The following CCDC22 variants were observed in gnomAD, a reference collection of about 807,000 sequenced individuals.
The protein encoded by CCDC22 is CCC complex scaffolding subunit CCDC22, also known as coiled-coil domain-containing protein 22.
Under a neutral mutation model 53.1 loss-of-function variants are expected in CCDC22, and 4 were observed. The ratio of observed to expected loss-of-function variants is 0.08; its 90% CI spans 0.04 to 0.17. CCDC22 has a LOEUF of 0.17. CCDC22 is among the 10% of genes least tolerant of loss of function. The pLI is 1.00. For missense variants in CCDC22, 458 were observed against 554.0 expected (o/e 0.83, Z 1.74); for synonymous variants, 222 against 224.4 (o/e 0.99, Z 0.10).
intron 1 of CCDC22, 140 bp downstream of exon 1, chrX:49,235,826 T>TACACACACACACACACACAC (rs797042658): frequency 8.2e-5 from 20 of 243,316 alleles, no homozygotes; most frequent in African/African-American, 7.1e-4. Flanking sequence ...CTCACCCCCT[T>TACACACACACACACACACAC]ACACACACAC....
intron 3 of CCDC22, 97 bp downstream of exon 3, chrX:49,242,245 G>C (rs1471279869): frequency 2.9e-5 from 33 of 1,149,699 alleles, no homozygotes; most frequent in Middle Eastern, 2.8e-4. Context: ...TAAAAAGGTT[G>C]ATGGGTAGGG....
chrX:49,249,693 A>G lies in CCDC22; in HGVS notation c.1738A>G (p.Ile580Val), dbSNP rs372319187. 1.1e-4 allele frequency: 136 copies of G among 1,208,724 alleles called. No individual in the cohort carries two copies. The highest frequency in any genetic ancestry group is 8.1e-4 in the Admixed American group (37 of 45,882). The change falls in exon 16 of 17, where the codon ATC becomes GTC. Residue 580 changes from isoleucine to valine, a missense_variant. By Grantham distance (29) the Ile-to-Val change is conservative. Coordinates refer to ENST00000376227, the MANE Select transcript of CCDC22 (RefSeq NM_014008.5). ...CCAGACCATCGAGGACACAGGCACCATCATGCGGGAGGTTCGAGACCTCGA... is the reference window on the plus strand; with the variant it reads ...CCAGACCATCGAGGACACAGGCACCGTCATGCGGGAGGTTCGAGACCTCGA... ...LIQTIEDTGT[I>V]MREVRDLEEQ... is the part of the protein sequence containing the mutation.
At position 49,235,622 on chromosome X, in the gene CCDC22, C is replaced by T. The variant is rs1557112518; in HGVS notation, c.-15C>T. ...CGGTCCTGGACCCAGCCCCCGACTC[C>T]GACACGGCTCCACCATGGAGGAGGC... On this transcript the variant is annotated 5_prime_UTR_variant, in exon 1 of 17. Transcript: ENST00000376227. The T allele has an allele frequency of 8.5e-7, 1 of 1,174,176 alleles. No homozygotes were observed. The highest frequency in any genetic ancestry group is 3.2e-5 in the East Asian group (1 of 31,359).
Position 49,250,493 on chromosome X carries a change from T to A in CCDC22, c.*232T>A, listed in dbSNP as rs1467152040. 1 of 485,225 alleles carries A rather than the reference T, an allele frequency of 2.1e-6. No homozygotes were observed. The highest frequency in any genetic ancestry group is 2.7e-5 in the Admixed American group (1 of 36,849). The allele number at this position is 485,225 out of a possible 1,213,427, so 40.0% of individuals were successfully genotyped here. A position where few individuals can be genotyped will look rare whatever the true frequency, so the allele number is the denominator to read the frequency against. ...GGTACTGTGGGTTGGGGGCCTTGGATCCCAAATAAATGAGTAGTTCCTCTG... is the reference window on the plus strand; with the variant it reads ...GGTACTGTGGGTTGGGGGCCTTGGAACCCAAATAAATGAGTAGTTCCTCTG... On this transcript the variant is annotated 3_prime_UTR_variant, in exon 17 of 17. Coordinates refer to ENST00000376227, the MANE Select transcript of CCDC22 (RefSeq NM_014008.5).
At chrX:49,244,612 C>T (rs935695522) in intron 6 of CCDC22, among the ~76,000 whole-genome samples, 14 of 110,187 alleles carry the variant, frequency 1.3e-4, no homozygotes, top group African/African-American at 4.6e-4. Context: ...CCAGGCTGGA[C>T]TACAATGGCA....
intron 2 of CCDC22, 31 bp downstream of exon 2, chrX:49,237,294 C>T (rs1557112877): frequency 8.8e-7 from 1 of 1,136,967 alleles, no homozygotes; most frequent in Non-Finnish European, 1.2e-6. Flanking sequence ...TGCACACATC[C>T]TCTTTCTTCC....
rs782330659 is a variant in CCDC22 at position 49,249,150 on chromosome X, G to A, written c.1540-17G>A. 3.3e-5 allele frequency: 40 copies of A among 1,195,894 alleles called. No individual in the cohort carries two copies. The highest frequency in any genetic ancestry group is 4.6e-4 in the Middle Eastern group (2 of 4,333). On this transcript the variant is annotated splice_polypyrimidine_tract_variant and intron_variant, in intron 13 of 16. Transcript: ENST00000376227. Reference sequence around the variant, plus strand: ...CTGCCCCAGGCAGGGGCTCATGGCTGCCATGGTGTCTGCCAGATCTTGTCT... The same window carrying A: ...CTGCCCCAGGCAGGGGCTCATGGCTACCATGGTGTCTGCCAGATCTTGTCT...
chrX:49,250,286 C>T lies in CCDC22; in HGVS notation c.*25C>T, dbSNP rs199701533. 1.7e-3 allele frequency: 1,515 copies of T among 887,274 alleles called. 2 individuals are homozygous for T. The highest frequency in any genetic ancestry group is 1.3e-3 in the Non-Finnish European group (798 of 618,953). 73.1% of individuals were successfully genotyped at this position (887,274 alleles called of 1,213,427 possible). ...AGGAGCCGCCGGCAGAGGTCTCTCC[C>T]CAGCCTCAGGCAGGGATTTGGGGTG... On this transcript the variant is annotated 3_prime_UTR_variant, in exon 17 of 17. Coordinates refer to ENST00000376227, the MANE Select transcript of CCDC22 (RefSeq NM_014008.5).
chrX:49,250,099 G>A (rs2066018175), intron 16 of CCDC22, 49 bp from the exon 17 acceptor site: 3 of 791,615 alleles, frequency 3.8e-6, no homozygotes, highest in Non-Finnish European at 5.6e-6. Flanking sequence ...AGCAGGAGCT[G>A]GGAAAGGGGC....
chrX:49,235,620 T>G lies in CCDC22; in HGVS notation c.-17T>G. 1.7e-6 allele frequency: 2 copies of G among 1,172,666 alleles called. No individual in the cohort carries two copies. The highest frequency in any genetic ancestry group is 2.5e-5 in the Admixed American group (1 of 40,200). On this transcript the variant is annotated 5_prime_UTR_variant, in exon 1 of 17. Transcript: ENST00000376227. The stretch of plus-strand genomic sequence containing the variant: ...CCCGGTCCTGGACCCAGCCCCCGAC[T>G]CCGACACGGCTCCACCATGGAGGAG...
At chrX:49,249,592 G>T in intron 15 of CCDC22, 24 bp downstream of exon 15, 1 of 1,187,334 alleles carries the variant, frequency 8.4e-7, no homozygotes, top group Non-Finnish European at 1.1e-6. Flanking sequence ...TGTGCCTGGG[G>T]TGGGGCTGCT....
intron 2 of CCDC22, among the ~76,000 whole-genome samples, chrX:49,241,072 A>G (rs2065961268): frequency 8.9e-6 from 1 of 112,370 alleles, no homozygotes; most frequent in Non-Finnish European, 1.9e-5. Context: ...AGTGAAGCAC[A>G]GAGGGATTAA....
At chrX:49,238,433 G>T (rs2065948815) in intron 2 of CCDC22, among the ~76,000 whole-genome samples, 1 of 111,713 alleles carries the variant, frequency 9.0e-6, no homozygotes, top group Non-Finnish European at 1.9e-5. Flanking sequence ...GGATCCTGTG[G>T]AGTTGGGATA....
intron 7 of CCDC22, chrX:49,247,151 T>C: frequency 4.5e-6 from 2 of 439,779 alleles, no homozygotes; most frequent in Non-Finnish European, 7.9e-6. Context: ...GGGGGTGTTC[T>C]TGGGGCAACA....
Position 49,250,442 on chromosome X carries a change from G to A in CCDC22, c.*181G>A. On this transcript the variant is annotated 3_prime_UTR_variant, in exon 17 of 17. Transcript: ENST00000376227. ...ATGGGGTGATAGTCCAGCATGTGGG[G>A]AGCTCGGCTGCAGTTTATTGGGGAC... 4 of 506,289 alleles carry A rather than the reference G, an allele frequency of 7.9e-6. No homozygotes were observed. The highest frequency in any genetic ancestry group is 1.4e-5 in the Non-Finnish European group (4 of 281,298). 41.7% of individuals were successfully genotyped at this position (506,289 alleles called of 1,213,427 possible). A position where few individuals can be genotyped will look rare whatever the true frequency, so the allele number is the denominator to read the frequency against.
intron 2 of CCDC22, among the ~76,000 whole-genome samples, chrX:49,241,474 G>A (rs2065963370): frequency 2.4e-5 from 2 of 85,070 alleles, no homozygotes; most frequent in South Asian, 6.8e-4. Flanking sequence ...GCGACAGAGC[G>A]AGACCCTGTC....
intron 2 of CCDC22, among the ~76,000 whole-genome samples, chrX:49,239,999 C>T (rs2065955784): frequency 9.1e-6 from 1 of 109,426 alleles, no homozygotes; most frequent in Non-Finnish European, 1.9e-5. Context: ...CATGTAATCC[C>T]AGCACTTTGG....
chrX:49,245,957 G>T (rs970158287), intron 6 of CCDC22, among the ~76,000 whole-genome samples: 68 of 67,515 alleles, frequency 1.0e-3, no homozygotes, highest in African/African-American at 2.2e-3. Flanking sequence ...GTTTTTTTTT[G>T]TTTTGTTTTG....
chrX:49,249,084 C>A, intron 13 of CCDC22, 83 bp from the exon 14 acceptor site: 1 of 1,121,890 alleles, frequency 8.9e-7, no homozygotes, highest in Non-Finnish European at 1.2e-6. Flanking sequence ...GTGACACAGT[C>A]CCTGTCTGGT....
Sources: allele counts gnomAD v4.1 joint callset (sites outside exome capture counted in the v4.1 genomes callset), GRCh38; gene constraint gnomAD v4.1.1; transcripts MANE v1.5; gene names NCBI Gene and HGNC (gene_info 2026-07-23, HGNC 2026-07-21).